Variants in MTOR observed in about 807,000 individuals in gnomAD.
MTOR encodes serine/threonine-protein kinase mTOR.
In MTOR, 70 loss-of-function variants were observed where a neutral mutation model predicts 319.8. The observed-to-expected ratio is 0.22, with a 90% CI of 0.18 to 0.27. The LOEUF is 0.27. Among genes scored for constraint, MTOR ranks in the 10% least tolerant of loss-of-function variants. MTOR has a pLI of 1.00. For synonymous variants in MTOR, 1,183 were observed against 1,211.4 expected, an observed-to-expected ratio of 0.98 and a Z score of 0.49; for missense variants, 1,890 against 3,274.4, an observed-to-expected ratio of 0.58 and a Z score of 10.32.
At chr1:11,181,431 A>G (rs1362727724) in intron 28 of MTOR, among the ~76,000 whole-genome samples, 1 of 152,188 alleles carries the variant, frequency 6.6e-6, no homozygotes, top group African/African-American at 2.4e-5. Context: ...AGGCTGAGGC[A>G]AGAGAACTGC....
intron 29 of MTOR, among the ~76,000 whole-genome samples, chr1:11,160,032 A>G (rs954748125): frequency 6.6e-6 from 1 of 152,186 alleles, no homozygotes; most frequent in Admixed American, 6.5e-5. Flanking sequence ...TATGTAAGCA[A>G]TAACGAACAC....
intron 26 of MTOR, among the ~76,000 whole-genome samples, chr1:11,202,179 C>T (rs1301553681): frequency 1.3e-5 from 2 of 152,070 alleles, no homozygotes; most frequent in African/African-American, 2.4e-5. Flanking sequence ...CCTGTAATCC[C>T]AGCACTCTGG....
At chr1:11,143,650 T>C (rs183096355) in intron 34 of MTOR, among the ~76,000 whole-genome samples, 2 of 152,340 alleles carry the variant, frequency 1.3e-5, no homozygotes, top group East Asian at 1.9e-4. Flanking sequence ...CTGAGCTTCC[T>C]AGGCAGGAAT....
chr1:11,140,259 C>G (rs1353470633), intron 34 of MTOR, among the ~76,000 whole-genome samples: 3 of 138,262 alleles, frequency 2.2e-5, no homozygotes, highest in Non-Finnish European at 3.0e-5. Context: ...CAGTCCCCAA[C>G]CTTTTTGGCA....
chr1:11,247,978 G>C lies in MTOR; in HGVS notation c.957C>G (p.Phe319Leu), dbSNP rs1272150104. ...KPRHITPFTS[F>L]QAVQPQQSNA... ...TTGACTGCTGGGGCTGTACAGCCTGGAAACTGGTGAAGGGGGTAATGTGAC... is the reference window on the plus strand; with the variant it reads ...TTGACTGCTGGGGCTGTACAGCCTGCAAACTGGTGAAGGGGGTAATGTGAC... Residue 319 changes from phenylalanine (F) to leucine (L), a missense_variant, in exon 7 of 58, where the codon TTC becomes TTG. By Grantham distance (22) the Phe-to-Leu change is conservative. Coordinates refer to ENST00000361445, the MANE Select transcript of MTOR (RefSeq NM_004958.4). 1.9e-6 allele frequency: 3 copies of C among 1,614,062 alleles called. 1 individual carries two copies. Among genetic ancestry groups the C allele is most frequent in the South Asian group, 1.1e-5 (1 of 91,078 alleles).
intron 28 of MTOR, among the ~76,000 whole-genome samples, chr1:11,190,385 T>C (rs1454508253): frequency 6.6e-6 from 1 of 152,210 alleles, no homozygotes; most frequent in Non-Finnish European, 1.5e-5. Context: ...CTGGTGTTCC[T>C]AAGATTTACC....
At chr1:11,117,412 C>T (rs1642227853) in intron 49 of MTOR, among the ~76,000 whole-genome samples, 1 of 152,168 alleles carries the variant, frequency 6.6e-6, no homozygotes, top group Non-Finnish European at 1.5e-5. Flanking sequence ...CCGCTTGCCT[C>T]GGCCTCCCAA....
chr1:11,162,245 GAAAC>G lies in MTOR; in HGVS notation c.4330-4958_4330-4955del, dbSNP rs565467089. Among the ~76,000 whole-genome samples, 62 of 152,250 alleles carry G rather than the reference GAAAC, an allele frequency of 4.1e-4. 2 individuals carry two copies. In the South Asian group the frequency reaches 6.2e-3, roughly 15 times the overall value. On this transcript the variant is annotated intron_variant, in intron 29 of 57. Transcript: ENST00000361445. ...GAGAAGTTTAGAGAAAAAATAAAAA[GAAAC>G]AAACAAAGCCTCCAAGAAATATGGG...
chr1:11,123,936 C>T (rs977606844), intron 47 of MTOR, among the ~76,000 whole-genome samples: 16 of 151,042 alleles, frequency 1.1e-4, no homozygotes, highest in Admixed American at 2.0e-4. Context: ...TACAGGTGGC[C>T]GCCACCACGC....
chr1:11,138,550 C>T (rs77871708), intron 36 of MTOR, among the ~76,000 whole-genome samples: 4,536 of 152,294 alleles, frequency 0.03, 175 homozygotes, highest in Admixed American at 0.071. Flanking sequence ...TTTATGAGAT[C>T]TTCCCACAGC....
At chr1:11,231,457 T>G in intron 16 of MTOR, 23 bp from the exon 17 acceptor site, 1 of 1,613,268 alleles carries the variant, frequency 6.2e-7, no homozygotes, top group Admixed American at 1.7e-5. Context: ...AAGAACACGA[T>G]TCAATGAGCC....
At chr1:11,253,017 G>C (rs568825521) in intron 6 of MTOR, among the ~76,000 whole-genome samples, 62 of 152,188 alleles carry the variant, frequency 4.1e-4, no homozygotes, top group Non-Finnish European at 7.3e-4. Context: ...ACACAGTAGG[G>C]ATGCTAAGGC....
intron 17 of MTOR, 39 bp from the exon 18 acceptor site, chr1:11,231,093 CACA>C (rs766032077): frequency 6.2e-6 from 10 of 1,613,812 alleles, no homozygotes; most frequent in South Asian, 1.1e-5. Context: ...AAACATTCAT[CACA>C]ACATGATTAC....
At chr1:11,217,057 T>C (rs530025347) in intron 19 of MTOR, among the ~76,000 whole-genome samples, 109 of 152,292 alleles carry the variant, frequency 7.2e-4, no homozygotes, top group African/African-American at 2.3e-3. Context: ...AGCTAACTCT[T>C]GATTATGGGT....
intron 28 of MTOR, among the ~76,000 whole-genome samples, chr1:11,191,930 T>A (rs1006115129): frequency 6.6e-6 from 1 of 152,198 alleles, no homozygotes; most frequent in South Asian, 2.1e-4. Flanking sequence ...CTGACAGGAG[T>A]ATCTGTTACG....
Position 11,117,213 on chromosome 1 carries a change from G to T in MTOR, c.6934-127C>A, listed in dbSNP as rs1204738139. On this transcript the variant is annotated intron_variant, in intron 49 of 57. Coordinates refer to ENST00000361445, the MANE Select transcript of MTOR (RefSeq NM_004958.4). ...TCTCGCTCTGTCGCCCAGGCTGGAA[G>T]GCAGTGGTGCTATCTTGGCTCACTG... is the stretch of plus-strand genomic sequence containing the variant. The T allele has an allele frequency of 2.7e-5, 20 of 735,312 alleles. No homozygotes were observed. The East Asian group carries it at 4.6e-4, about 17-fold the overall frequency. The allele number at this position is 735,312 out of a possible 1,614,324, so 45.5% of individuals were successfully genotyped here.
intron 13 of MTOR, among the ~76,000 whole-genome samples, chr1:11,237,573 C>T (rs1012715568): frequency 3.3e-4 from 50 of 151,966 alleles, no homozygotes; most frequent in Admixed American, 1.2e-3. Flanking sequence ...AATGGGATCA[C>T]TGGTGACTTG....
intron 34 of MTOR, among the ~76,000 whole-genome samples, chr1:11,140,869 GA>G (rs1643665112): frequency 6.6e-6 from 1 of 150,864 alleles, no homozygotes; most frequent in African/African-American, 2.4e-5. Flanking sequence ...ATTCAAAGTT[GA>G]AAAATGAATT....
intron 31 of MTOR, 38 bp downstream of exon 31, chr1:11,150,088 C>A (rs746846533): frequency 1.5e-5 from 24 of 1,580,624 alleles, no homozygotes; most frequent in Non-Finnish European, 7.8e-6. Flanking sequence ...GCCTCACTCA[C>A]CCCATCCTTC....
Sources: allele counts gnomAD v4.1 joint callset (sites outside exome capture counted in the v4.1 genomes callset), GRCh38; gene constraint gnomAD v4.1.1; transcripts MANE v1.5; gene names NCBI Gene and HGNC (gene_info 2026-07-23, HGNC 2026-07-21).